Variants in LYRM4 observed in about 807,000 individuals in gnomAD.
LYRM4 encodes LYR motif-containing protein 4.
A neutral mutation model predicts 11.7 loss-of-function variants in LYRM4; 9 were observed. The ratio of observed to expected loss-of-function variants is 0.77; its 90% CI spans 0.46 to 1.34. The LOEUF is 1.34. Among genes scored for constraint, LYRM4 ranks in the 40% most tolerant of loss-of-function variants. LYRM4 has a pLI of 0.00. For synonymous variants in LYRM4, 42 were observed against 40.4 expected, an observed-to-expected ratio of 1.04 and a Z score of -0.15; for missense variants, 133 against 112.5, an observed-to-expected ratio of 1.18 and a Z score of -0.82.
At chr6:5,168,262 A>G (rs946108534) in intron 2 of LYRM4, among the ~76,000 whole-genome samples, 1 of 152,228 alleles carries the variant, frequency 6.6e-6, no homozygotes, top group South Asian at 2.1e-4. Context: ...CAATGGATGC[A>G]AAACGTGGGC....
At chr6:5,233,099 G>A (rs1475408804) in intron 1 of LYRM4, among the ~76,000 whole-genome samples, 1 of 152,220 alleles carries the variant, frequency 6.6e-6, no homozygotes, top group Non-Finnish European at 1.5e-5. Context: ...AGTATGCAGA[G>A]GCTCAACTGG....
intron 2 of LYRM4, among the ~76,000 whole-genome samples, chr6:5,170,471 C>A (rs983743200): frequency 2.0e-5 from 3 of 146,820 alleles, no homozygotes; most frequent in Non-Finnish European, 3.0e-5. Context: ...AGAGCTTTCT[C>A]ACTTTATTTC....
chr6:5,194,290 T>G (rs1248930417), intron 2 of LYRM4, among the ~76,000 whole-genome samples: 5 of 152,184 alleles, frequency 3.3e-5, no homozygotes, highest in Non-Finnish European at 5.9e-5. Flanking sequence ...GATACATATT[T>G]GAAGGGTGCT....
chr6:5,185,701 T>C (rs900501900), intron 2 of LYRM4, among the ~76,000 whole-genome samples: 1 of 152,186 alleles, frequency 6.6e-6, no homozygotes, highest in Non-Finnish European at 1.5e-5. Flanking sequence ...GAACCCAGGC[T>C]TGTCCGGTTT....
At chr6:5,163,676 C>A (rs1048488833) in intron 2 of LYRM4, among the ~76,000 whole-genome samples, 1 of 149,684 alleles carries the variant, frequency 6.7e-6, no homozygotes, top group East Asian at 2.0e-4. Flanking sequence ...TAGAGTGGCA[C>A]GATCTTGGCT....
At chr6:5,066,452 T>C in the LYRM4 span, 2 of 757,322 alleles carry the variant, frequency 2.6e-6, no homozygotes, top group African/African-American at 3.4e-5. Context: ...CTGCTTCTAT[T>C]CCCAAATTCT....
Position 5,147,796 on chromosome 6 carries a change from T to G in LYRM4, c.208-38305A>C, listed in dbSNP as rs201238513. ...TCCACGGCAGGGTGAATTAGGCCCTTCTGTCTCATCGCTCCTTCCTTTTTA... is the reference window on the plus strand; with the variant it reads ...TCCACGGCAGGGTGAATTAGGCCCTGCTGTCTCATCGCTCCTTCCTTTTTA... On this transcript the variant is annotated intron_variant, in intron 2 of 2. Transcript: ENST00000330636. Among the ~76,000 whole-genome samples, 19 of 93,524 alleles carry G rather than the reference T, an allele frequency of 2.0e-4. No homozygotes were observed. In the South Asian group the frequency reaches 0.01, roughly 51 times the overall value. 61.4% of individuals were successfully genotyped at this position (93,524 alleles called of 152,430 possible). A position where few individuals can be genotyped will look rare whatever the true frequency, so the allele number is the denominator to read the frequency against.
At chr6:5,138,881 A>G (rs1757256469) in intron 2 of LYRM4, 3 of 602,010 alleles carry the variant, frequency 5.0e-6, no homozygotes, top group Non-Finnish European at 8.5e-6. Context: ...TCCTTTAGAC[A>G]TAGACATTTT....
At chr6:5,203,582 C>T (rs1336147820) in intron 2 of LYRM4, among the ~76,000 whole-genome samples, 1 of 152,184 alleles carries the variant, frequency 6.6e-6, no homozygotes, top group Non-Finnish European at 1.5e-5. Context: ...TGCAATTTTC[C>T]CTTGGCCCTC....
rs146182611 is a variant in LYRM4, at chr6:5,143,059, G to A, written c.208-33568C>T. 1.4e-3 allele frequency among the ~76,000 whole-genome samples: 207 copies of A among 152,378 alleles called. 1 individual carries two copies. The highest frequency in any genetic ancestry group is 4.8e-3 in the African/African-American group (200 of 41,588). ...GTCCAGCCTCTCCGGAAGTTGGGAT[G>A]CCACATGTATTGGTTCAGAGCTGGT... On this transcript the variant is annotated intron_variant, in intron 2 of 2. Transcript: ENST00000330636.
At chr6:5,112,396 A>C (rs1762924708) in intron 2 of LYRM4, among the ~76,000 whole-genome samples, 1 of 152,342 alleles carries the variant, frequency 6.6e-6, no homozygotes, top group South Asian at 2.1e-4. Flanking sequence ...ATCTGAGCCC[A>C]ATGCACTGAG....
intron 1 of LYRM4, among the ~76,000 whole-genome samples, chr6:5,228,708 GA>G (rs930459028): frequency 2.5e-4 from 38 of 151,988 alleles, no homozygotes; most frequent in African/African-American, 9.2e-4. Context: ...TAATAATTAA[GA>G]ATATTTCCTG....
chr6:5,059,469 G>C, the LYRM4 span, among the ~76,000 whole-genome samples: 2 of 151,572 alleles, frequency 1.3e-5, no homozygotes, highest in African/African-American at 4.9e-5. Flanking sequence ...TCTGTATCTT[G>C]GGGATTGTTT....
chr6:5,254,373 C>T (rs530366320), intron 1 of LYRM4, among the ~76,000 whole-genome samples: 7 of 152,264 alleles, frequency 4.6e-5, no homozygotes, highest in Non-Finnish European at 7.4e-5. Flanking sequence ...TGTAGAATCC[C>T]GAAGCACGGA....
chr6:5,110,895 G>C (rs1762851011), intron 2 of LYRM4, among the ~76,000 whole-genome samples: 1 of 152,176 alleles, frequency 6.6e-6, no homozygotes. Context: ...GATGCTGCTG[G>C]TCCACGGGCC....
chr6:5,260,598 T>G, intron 1 of LYRM4, 50 bp downstream of exon 1: 50 of 1,105,464 alleles, frequency 4.5e-5, no homozygotes, highest in Non-Finnish European at 5.8e-5. Flanking sequence ...GCACCCCCGG[T>G]CCCCGGCCCC....
intron 2 of LYRM4, among the ~76,000 whole-genome samples, chr6:5,117,578 T>C (rs1438602247): frequency 6.6e-6 from 1 of 152,134 alleles, no homozygotes; most frequent in Non-Finnish European, 1.5e-5. Context: ...CCTGGGGATT[T>C]GGGACTTAGC....
the LYRM4 span, chr6:5,066,751 G>T: frequency 1.3e-6 from 1 of 749,614 alleles, no homozygotes; most frequent in East Asian, 2.5e-5. Context: ...GCCAATCTCC[G>T]ATTGGTTACG....
chr6:5,239,875 A>G (rs1561894488), intron 1 of LYRM4, among the ~76,000 whole-genome samples: 1 of 152,112 alleles, frequency 6.6e-6, no homozygotes, highest in African/African-American at 2.4e-5. Flanking sequence ...CCTTAAAAAC[A>G]TTCTCACCAC....
Sources: gnomAD v4.1 joint callset for allele counts (sites outside exome capture counted in the v4.1 genomes callset) on GRCh38, gnomAD v4.1.1 for gene constraint, MANE v1.5 for transcripts, NCBI Gene and HGNC (gene_info 2026-07-23, HGNC 2026-07-21) for gene names.